Variants in CPXM2 observed in about 807,000 individuals in gnomAD.
The protein encoded by CPXM2 is carboxypeptidase X, M14 family member 2.
CPXM2 carries 66 observed loss-of-function variants against 86.1 expected under a neutral mutation model. The ratio of observed to expected loss-of-function variants is 0.77; its 90% CI spans 0.63 to 0.94. The LOEUF (loss-of-function observed/expected upper bound fraction) is 0.94, where lower values mean the gene tolerates loss of function less well. CPXM2 is among the 40% of genes least tolerant of loss of function. CPXM2 has a pLI of 0.00. For synonymous variants in CPXM2, 388 were observed against 400.2 expected (o/e 0.97, Z 0.36); for missense variants, 948 against 1,026.3 (o/e 0.92, Z 1.04).
chr10:123,765,694 T>C (rs1846455236), intron 10 of CPXM2, among the ~76,000 whole-genome samples: 1 of 152,232 alleles, frequency 6.6e-6, no homozygotes, highest in South Asian at 2.1e-4. Flanking sequence ...TTGGGCATCC[T>C]AACTGAACCA....
upstream of CPXM2, among the ~76,000 whole-genome samples, chr10:123,942,178 G>A (rs546595560): frequency 3.3e-5 from 5 of 152,240 alleles, no homozygotes; most frequent in South Asian, 2.1e-4. Context: ...TGTGGGTTTC[G>A]ACCAGCTTTG....
chr10:123,748,930 C>T (rs531019262), intron 13 of CPXM2, among the ~76,000 whole-genome samples: 2 of 152,220 alleles, frequency 1.3e-5, no homozygotes, highest in Admixed American at 6.5e-5. Context: ...CTTCCTGCCT[C>T]GGCCCGGTGT....
intron 3 of CPXM2, among the ~76,000 whole-genome samples, chr10:123,847,839 G>C (rs917669252): frequency 4.6e-5 from 7 of 152,182 alleles, no homozygotes; most frequent in Non-Finnish European, 1.0e-4. Context: ...GAGAGATAGA[G>C]ACAACAGTGA....
intron 13 of CPXM2, chr10:123,751,009 G>C: frequency 1.0e-6 from 1 of 985,436 alleles, no homozygotes; most frequent in South Asian, 4.7e-5. Context: ...TGTGTTCAGG[G>C]TGAACCTTCT....
intron 2 of CPXM2, among the ~76,000 whole-genome samples, chr10:123,902,698 C>T (rs538196121): frequency 6.6e-6 from 1 of 152,304 alleles, no homozygotes; most frequent in South Asian, 2.1e-4. Flanking sequence ...CGGGCTCCTC[C>T]CTCATGACTT....
chr10:123,932,846 G>A (rs1423163889), intron 2 of CPXM2, among the ~76,000 whole-genome samples: 1 of 152,194 alleles, frequency 6.6e-6, no homozygotes, highest in South Asian at 2.1e-4. Flanking sequence ...GGAGAGAAAG[G>A]GGAAGCAGGG....
At position 123,808,848 on chromosome 10, in the gene CPXM2, T is replaced by G. The variant is rs527591887; in HGVS notation, c.654-9649A>C. Among the ~76,000 whole-genome samples the G allele has an allele frequency of 5.9e-5, 9 of 152,274 alleles. No homozygotes were observed. In the South Asian group the frequency reaches 1.0e-3, roughly 18 times the overall value. ...TTTTAAGTTTTCCTTTAGCAAAGAT[T>G]TATATAGTACCTAGCACATCAGATG... is the stretch of plus-strand genomic sequence containing the variant. On this transcript the variant is annotated intron_variant, in intron 4 of 13. Coordinates refer to ENST00000241305, the MANE Select transcript of CPXM2 (RefSeq NM_198148.3).
intron 4 of CPXM2, among the ~76,000 whole-genome samples, chr10:123,835,574 G>A (rs1848260969): frequency 6.6e-6 from 1 of 152,146 alleles, no homozygotes; most frequent in Admixed American, 6.5e-5. Flanking sequence ...TTTCAAAGAG[G>A]TTAGAAAGGA....
At chr10:123,787,051 C>A (rs985572844) in intron 6 of CPXM2, among the ~76,000 whole-genome samples, 1 of 152,128 alleles carries the variant, frequency 6.6e-6, no homozygotes, top group Non-Finnish European at 1.5e-5. Context: ...GCCCAAAAAC[C>A]GTGGTGATTT....
At chr10:123,855,206 G>T (rs942923537) in intron 3 of CPXM2, among the ~76,000 whole-genome samples, 1 of 152,160 alleles carries the variant, frequency 6.6e-6, no homozygotes, top group Non-Finnish European at 1.5e-5. Context: ...CTTGAAGCCA[G>T]ATGTAGAACA....
Position 123,833,756 on chromosome 10 carries a change from A to T in CPXM2, c.653+8593T>A, listed in dbSNP as rs75764772. ...AGTTAACGCCACTAGGACCACACAG[A>T]GCAAGTGAGAGCCATCAGAGAACCG... On this transcript the variant is annotated intron_variant, in intron 4 of 13. Transcript: ENST00000241305. Among the ~76,000 whole-genome samples the T allele has an allele frequency of 1.4e-3, 214 of 152,314 alleles. 1 individual carries two copies. In the East Asian group the frequency reaches 0.031, roughly 22 times the overall value.
Position 123,746,681 on chromosome 10 carries a change from CAGTG to C in CPXM2, c.*79_*82del, listed in dbSNP as rs552814190. ...ACTTCTTGAATTACAGAGGAAACAACAGTGAGTGAGTCCACTATGGAGCTACTAC... is the reference window on the plus strand; with the variant it reads ...ACTTCTTGAATTACAGAGGAAACAACAGTGAGTCCACTATGGAGCTACTAC... On this transcript the variant is annotated 3_prime_UTR_variant, in exon 14 of 14. Coordinates refer to ENST00000241305, the MANE Select transcript of CPXM2 (RefSeq NM_198148.3). 1.4e-5 allele frequency: 19 copies of C among 1,316,298 alleles called. No homozygotes were observed. The South Asian group carries it at 1.6e-4, about 11-fold the overall frequency. 81.5% of individuals were successfully genotyped at this position (1,316,298 alleles called of 1,614,324 possible).
In CPXM2 at chr10:123,799,311, A is replaced by G. The variant is rs1847403308; in HGVS notation, c.654-112T>C. ...GCCAGAGGCAGATGGCACTGGGTCA[A>G]ACCCTGGCTCCAGGACATTTACAGC... On this transcript the variant is annotated intron_variant, in intron 4 of 13. Transcript: ENST00000241305. The G allele has an allele frequency of 4.7e-6, 6 of 1,266,138 alleles. No individual in the cohort carries two copies. The South Asian group carries it at 7.7e-5, about 16-fold the overall frequency. 78.4% of individuals were successfully genotyped at this position (1,266,138 alleles called of 1,614,324 possible).
intron 2 of CPXM2, among the ~76,000 whole-genome samples, chr10:123,928,194 A>C (rs1190847938): frequency 6.6e-6 from 1 of 152,270 alleles, no homozygotes; most frequent in Admixed American, 6.5e-5. Flanking sequence ...GCCACCAGAG[A>C]GCTTTGATTC....
intron 2 of CPXM2, among the ~76,000 whole-genome samples, chr10:123,908,970 AAC>A (rs1945466716): frequency 6.6e-6 from 1 of 152,324 alleles, no homozygotes; most frequent in African/African-American, 2.4e-5. Context: ...TAAAGCTGTA[AAC>A]ACAAGCCAGG....
intron 2 of CPXM2, among the ~76,000 whole-genome samples, chr10:123,905,057 T>C (rs1418721745): frequency 3.1e-5 from 2 of 64,144 alleles, no homozygotes. Context: ...AGAGCAGGAC[T>C]TTCCACCTGT....
intron 3 of CPXM2, among the ~76,000 whole-genome samples, chr10:123,862,332 C>T (rs954549240): frequency 2.6e-5 from 4 of 152,208 alleles, no homozygotes; most frequent in Non-Finnish European, 5.9e-5. Context: ...CCTTTCTGGA[C>T]CAACAGCATA....
Position 123,891,770 on chromosome 10 carries a change from C to G in CPXM2, c.-111G>C, listed in dbSNP as rs1945278689. ...GGGCGCAGGGCACAGCAGAGCGGCG[C>G]GCTTGGGCGCGGGAGGCGGCCGGCT... On this transcript the variant is annotated 5_prime_UTR_variant, in exon 1 of 14. Coordinates refer to ENST00000241305, the MANE Select transcript of CPXM2 (RefSeq NM_198148.3). This position sits in a 1 kb window ranked among gnomAD's most constrained non-coding sequence, Gnocchi z 5.6. 5.3e-6 allele frequency: 4 copies of G among 751,802 alleles called. No individual in the cohort carries two copies. Among genetic ancestry groups the G allele is most frequent in the Non-Finnish European group, 7.1e-6 (4 of 565,962 alleles). The allele number at this position is 751,802 out of a possible 1,614,324, so 46.6% of individuals were successfully genotyped here.
At chr10:123,842,662 GT>G (rs1848411880) in intron 3 of CPXM2, among the ~76,000 whole-genome samples, 174 bp from the exon 4 acceptor site, 1 of 152,196 alleles carries the variant, frequency 6.6e-6, no homozygotes. Flanking sequence ...ATAAAAGGGA[GT>G]TGCTTAGTAT....
Sources: allele counts gnomAD v4.1 joint callset (sites outside exome capture counted in the v4.1 genomes callset), GRCh38; gene constraint gnomAD v4.1.1; non-coding constraint Gnocchi (gnomAD v3.1); transcripts MANE v1.5; gene names NCBI Gene and HGNC (gene_info 2026-07-23, HGNC 2026-07-21).